The following KAZN variants were observed in gnomAD, a reference collection of about 807,000 sequenced individuals.
KAZN encodes kazrin.
KAZN carries 40 observed loss-of-function variants against 87.4 expected under a neutral mutation model. The observed-to-expected ratio is 0.46, with a 90% CI of 0.36 to 0.60. KAZN has a LOEUF of 0.60. Among genes scored for constraint, KAZN ranks in the 20% least tolerant of loss-of-function variants. KAZN has a pLI of 0.00. For missense variants in KAZN, 898 were observed against 1,073.9 expected (o/e 0.84, Z 2.29); for synonymous variants, 466 against 458.3 (o/e 1.02, Z -0.22).
At chr1:14,180,865 G>A (rs1386445470) in intron 2 of KAZN, among the ~76,000 whole-genome samples, 1 of 152,184 alleles carries the variant, frequency 6.6e-6, no homozygotes, top group Non-Finnish European at 1.5e-5. Flanking sequence ...CCTTGGAAAA[G>A]TGAAAATCCA....
chr1:14,786,185 A>G (rs913831317), intron 1 of KAZN, among the ~76,000 whole-genome samples: 1 of 152,194 alleles, frequency 6.6e-6, no homozygotes, highest in Non-Finnish European at 1.5e-5. Context: ...CTCCAACTCC[A>G]TCTAAAAACA....
intron 2 of KAZN, among the ~76,000 whole-genome samples, chr1:14,253,554 G>A (rs1328220138): frequency 2.6e-5 from 4 of 152,094 alleles, no homozygotes; most frequent in Non-Finnish European, 5.9e-5. Context: ...GGAGATATTC[G>A]GGCTTTTGGC....
chr1:15,004,600 G>A (rs1282360713), intron 2 of KAZN, among the ~76,000 whole-genome samples: 2 of 152,150 alleles, frequency 1.3e-5, no homozygotes, highest in Non-Finnish European at 2.9e-5. Flanking sequence ...GCATGTAGCC[G>A]GAGTTTGGTC....
intron 1 of KAZN, among the ~76,000 whole-genome samples, chr1:14,029,043 C>T (rs1256251750): frequency 2.0e-5 from 3 of 150,784 alleles, no homozygotes; most frequent in Admixed American, 6.6e-5. Flanking sequence ...CCTGAGGAAT[C>T]GCCACACTGA....
intron 2 of KAZN, among the ~76,000 whole-genome samples, chr1:14,249,757 T>C (rs1195653955): frequency 6.6e-6 from 1 of 152,176 alleles, no homozygotes. Flanking sequence ...ATTGGCCAGG[T>C]GGGGCTGCAT....
At chr1:14,199,443 C>T (rs1646595342) in intron 2 of KAZN, among the ~76,000 whole-genome samples, 1 of 152,196 alleles carries the variant, frequency 6.6e-6, no homozygotes, top group Non-Finnish European at 1.5e-5. Flanking sequence ...CCTGACTACA[C>T]TATTGCATAT....
intron 13 of KAZN, among the ~76,000 whole-genome samples, chr1:15,109,795 A>G (rs111063539): frequency 0.18 from 26,082 of 148,976 alleles, 2,853 homozygotes; most frequent in East Asian, 0.52. Context: ...GTTTGTGTGT[A>G]TGTGTATGTG....
intron 2 of KAZN, among the ~76,000 whole-genome samples, chr1:14,256,905 T>C (rs1650561945): frequency 6.6e-6 from 1 of 152,182 alleles, no homozygotes; most frequent in South Asian, 2.1e-4. Context: ...ATGCGTTCTA[T>C]TTCTTTAGGA....
chr1:14,443,350 C>T (rs1666801225), intron 2 of KAZN, among the ~76,000 whole-genome samples: 1 of 152,234 alleles, frequency 6.6e-6, no homozygotes, highest in African/African-American at 2.4e-5. Context: ...AATTAAGTTC[C>T]AGCCAGCAGT....
chr1:14,292,442 C>T (rs187571700), intron 2 of KAZN, among the ~76,000 whole-genome samples: 1 of 152,278 alleles, frequency 6.6e-6, no homozygotes, highest in East Asian at 1.9e-4. Context: ...AGTAATCATG[C>T]AGGCTGGGAG....
chr1:14,365,465 G>T (rs1020121629), intron 2 of KAZN, among the ~76,000 whole-genome samples: 3 of 151,036 alleles, frequency 2.0e-5, no homozygotes, highest in African/African-American at 7.3e-5. Flanking sequence ...CATCTGCAAT[G>T]ATTCTATTTC....
intron 1 of KAZN, among the ~76,000 whole-genome samples, chr1:13,941,221 A>G (rs1407023180): frequency 2.6e-5 from 4 of 152,154 alleles, no homozygotes; most frequent in Non-Finnish European, 5.9e-5. Context: ...AAAAAAAACA[A>G]TAAAAAGGAG....
Position 14,677,939 on chromosome 1 carries a change from G to A in KAZN, c.226+78716G>A, listed in dbSNP as rs148322599. ...TTTACGGAGAAAACACAGATAGCTTGTGCAGAAATGGGCTGTTTGGGGGCC... is the reference window on the plus strand; with the variant it reads ...TTTACGGAGAAAACACAGATAGCTTATGCAGAAATGGGCTGTTTGGGGGCC... On this transcript the variant is annotated intron_variant, in intron 1 of 14. Coordinates refer to ENST00000376030, the MANE Select transcript of KAZN (RefSeq NM_201628.3). 1.0e-3 allele frequency among the ~76,000 whole-genome samples: 157 copies of A among 152,286 alleles called. 1 individual carries two copies. Among genetic ancestry groups the A allele is most frequent in the African/African-American group, 3.6e-3 (148 of 41,558 alleles).
chr1:14,327,519 C>A (rs2100858958), intron 2 of KAZN, among the ~76,000 whole-genome samples: 1 of 152,326 alleles, frequency 6.6e-6, no homozygotes, highest in East Asian at 1.9e-4. Flanking sequence ...TCTCTGCCCT[C>A]CTATTAGACT....
chr1:15,112,724 T>C, intron 14 of KAZN, 183 bp downstream of exon 14: 1 of 579,730 alleles, frequency 1.7e-6, no homozygotes, highest in Non-Finnish European at 3.2e-6. Flanking sequence ...ATGCTTTGGG[T>C]ACAGTGCACA....
At chr1:15,095,647 A>C (rs955477307) in intron 10 of KAZN, among the ~76,000 whole-genome samples, 1 of 142,900 alleles carries the variant, frequency 7.0e-6, no homozygotes, top group African/African-American at 2.6e-5. Flanking sequence ...AGAGGGGAAG[A>C]ACTCGCTTTG....
At chr1:14,989,240 C>T (rs915019301) in intron 2 of KAZN, among the ~76,000 whole-genome samples, 1 of 152,180 alleles carries the variant, frequency 6.6e-6, no homozygotes, top group Non-Finnish European at 1.5e-5. Context: ...CTTTGGGAGG[C>T]CAAGGTAGGT....
intron 1 of KAZN, among the ~76,000 whole-genome samples, chr1:13,955,921 T>C (rs1157602764): frequency 6.6e-6 from 1 of 152,116 alleles, no homozygotes; most frequent in Non-Finnish European, 1.5e-5. Flanking sequence ...CGGCCCATGA[T>C]TGTAGAGTCA....
intron 2 of KAZN, among the ~76,000 whole-genome samples, chr1:14,351,348 G>A (rs1477369159): frequency 2.6e-5 from 4 of 152,166 alleles, no homozygotes; most frequent in South Asian, 2.1e-4. Flanking sequence ...GGCAGATCAC[G>A]AGGTCAGGAG....
Sources: allele counts gnomAD v4.1 joint callset (sites outside exome capture counted in the v4.1 genomes callset), GRCh38; gene constraint gnomAD v4.1.1; transcripts MANE v1.5; gene names NCBI Gene and HGNC (gene_info 2026-07-23, HGNC 2026-07-21).